ATOX1: variants seen among roughly 807,000 people sequenced by gnomAD.
ATOX1 encodes the protein antioxidant 1 copper chaperone, also known as copper transport protein ATOX1.
ATOX1 carries 4 observed loss-of-function variants against 7.3 expected under a neutral mutation model. The ratio of observed to expected loss-of-function variants is 0.55; its 90% CI spans 0.27 to 1.25. The LOEUF (loss-of-function observed/expected upper bound fraction) is 1.25, where lower values mean the gene tolerates loss of function less well. Ranked by LOEUF, ATOX1 falls within the 50% of genes most tolerant of loss-of-function variation. The pLI is 0.12. For missense variants in ATOX1, 68 were observed against 81.6 expected, an observed-to-expected ratio of 0.83 and a Z score of 0.64; for synonymous variants, 25 against 28.7, an observed-to-expected ratio of 0.87 and a Z score of 0.41.
chr5:151,750,644 C>CTTTTTTTTTTTT (rs34586233), intron 2 of ATOX1, among the ~76,000 whole-genome samples: 52 of 100,308 alleles, frequency 5.2e-4, no homozygotes, highest in East Asian at 8.6e-4. Context: ...TTTTTTCTTT[C>CTTTTTTTTTTTT]TTTTTTTTTT....
At chr5:151,747,195 T>C (rs1761888705) in intron 2 of ATOX1, among the ~76,000 whole-genome samples, 2 of 152,126 alleles carry the variant, frequency 1.3e-5, no homozygotes, top group Admixed American at 1.3e-4. Flanking sequence ...TTGTCCTAGA[T>C]AGACAAATGA....
In ATOX1 at chr5:151,746,430, G is replaced by T. The variant is rs200121616; in HGVS notation, c.102C>A (p.Asp34Glu). The T allele has an allele frequency of 1.2e-4, 188 of 1,613,754 alleles. No homozygotes were observed. The highest frequency in any genetic ancestry group is 1.5e-4 in the Non-Finnish European group (174 of 1,179,798). ...CAATGCAGACCTTCTTGTTGGGCAG[G>T]TCAATGTCATACTTAACTCCTGCAG... Reference protein sequence around the residue: ...NKLGGVKYDIDLPNKKVCIES... With the variant: ...NKLGGVKYDIELPNKKVCIES... The change falls in exon 3 of 4, where the codon GAC becomes GAA. Residue 34 changes from aspartate to glutamate, a missense_variant. Coordinates refer to ENST00000313115, the MANE Select transcript of ATOX1 (RefSeq NM_004045.4).
intron 3 of ATOX1, 67 bp downstream of exon 3, chr5:151,746,212 A>C (rs1259010550): frequency 7.0e-7 from 1 of 1,434,132 alleles, no homozygotes; most frequent in African/African-American, 1.4e-5. Flanking sequence ...CTCAAAGGCC[A>C]AGGTGTTCGC....
chr5:151,749,740 A>G lies in ATOX1; in HGVS notation c.82+1964T>C, dbSNP rs112547751. Among the ~76,000 whole-genome samples the G allele has an allele frequency of 7.4e-3, 1,133 of 152,130 alleles. 16 individuals carry two copies. Among genetic ancestry groups the G allele is most frequent in the African/African-American group, 0.026 (1,082 of 41,502 alleles). ...ACAGACATACAAGATATACATTCCC[A>G]TACCACAGCTGGGGAAACCCAGGCC... On this transcript the variant is annotated intron_variant, in intron 2 of 3. Transcript: ENST00000313115.
rs371306915 is a variant in ATOX1, at chr5:151,746,285, C to T, written c.*40G>A. On this transcript the variant is annotated 3_prime_UTR_variant, in exon 3 of 4. Coordinates refer to ENST00000313115, the MANE Select transcript of ATOX1 (RefSeq NM_004045.4). ...GTGCTGGGGCCTTACCCACCTGCCC[C>T]CTTTGGTCCATCCTGTGGGCTGTGG... is the stretch of plus-strand genomic sequence containing the variant. The T allele has an allele frequency of 1.2e-6, 2 of 1,610,048 alleles. No homozygotes were observed. Among genetic ancestry groups the T allele is most frequent in the Non-Finnish European group, 1.7e-6 (2 of 1,178,604 alleles).
chr5:151,748,460 A>C (rs1426062402), intron 2 of ATOX1, among the ~76,000 whole-genome samples: 2 of 152,132 alleles, frequency 1.3e-5, no homozygotes, highest in African/African-American at 4.8e-5. Flanking sequence ...GCAACTCAAA[A>C]AACCCTCCTG....
chr5:151,743,044 A>G (rs1468961849), intron 3 of ATOX1, 85 bp from the exon 4 acceptor site: 1 of 152,370 alleles, frequency 6.6e-6, no homozygotes, highest in East Asian at 1.9e-4. Flanking sequence ...ATGCACTAAG[A>G]GACAGGGGTG....
At chr5:151,757,689 C>A (rs1762034920) in intron 1 of ATOX1, among the ~76,000 whole-genome samples, 2 of 152,324 alleles carry the variant, frequency 1.3e-5, no homozygotes, top group South Asian at 4.1e-4. Context: ...TCTTCCCAAG[C>A]CGGTGTGACT....
At chr5:151,745,082 G>A (rs1042084823) in intron 3 of ATOX1, 2 of 152,308 alleles carry the variant, frequency 1.3e-5, no homozygotes, top group East Asian at 1.9e-4. Context: ...AGTGCATGAC[G>A]AAAACAGATG....
In ATOX1 at chr5:151,746,447, C is replaced by T. The variant is rs746565957; in HGVS notation, c.85G>A (p.Val29Ile). The T allele has an allele frequency of 6.2e-7, 1 of 1,613,770 alleles. No individual in the cohort carries two copies. The highest frequency in any genetic ancestry group is 1.1e-5 in the South Asian group (1 of 91,086). ...VSRVLNKLGG[V>I]KYDIDLPNKK... ...TTGGGCAGGTCAATGTCATACTTAA[C>T]TCCTGCAGGAAGAGGAAATGGGGTA... The change falls in exon 3 of 4, where the codon GTT becomes ATT. Residue 29 changes from valine (V) to isoleucine (I), a missense_variant and splice_region_variant. Transcript: ENST00000313115.
At chr5:151,749,878 C>T (rs1014051297) in intron 2 of ATOX1, among the ~76,000 whole-genome samples, 2 of 152,178 alleles carry the variant, frequency 1.3e-5, no homozygotes, top group African/African-American at 4.8e-5. Context: ...CAGCCACTGA[C>T]TTGCTGCGGG....
intron 1 of ATOX1, chr5:151,754,021 G>C (rs1008245172): frequency 1.3e-5 from 2 of 152,112 alleles, no homozygotes; most frequent in South Asian, 4.2e-4. Context: ...TAAAGAAAAT[G>C]GTCAGTCTTT....
At chr5:151,750,648 T>TC (rs1169748876) in intron 2 of ATOX1, among the ~76,000 whole-genome samples, 25 of 140,630 alleles carry the variant, frequency 1.8e-4, no homozygotes, top group Non-Finnish European at 3.4e-4. Flanking sequence ...TTCTTTCTTT[T>TC]TTTTTTTTTT....
Position 151,746,356 on chromosome 5 carries a change from C to T in ATOX1, c.176G>A (p.Gly59Glu). ...DTLLATLKKT[G>E]KTVSYLGLE ...AAGGCCAAGGTAGGAAACAGTCTTT[C>T]CTGTTTTCTTCAGGGTTGCAAGCAG... The change falls in exon 3 of 4, where the codon GGA becomes GAA. Residue 59 changes from glycine to glutamate, a missense_variant. Transcript: ENST00000313115. 4.3e-6 allele frequency: 7 copies of T among 1,613,896 alleles called. No individual in the cohort carries two copies. Among genetic ancestry groups the T allele is most frequent in the South Asian group, 1.1e-5 (1 of 91,080 alleles).
In ATOX1 at chr5:151,752,326, G is replaced by A. The variant is rs142187565; in HGVS notation, c.7-547C>T. ...GTGATTCTGCTTTCATCCAAGGGCCGCATTCTCAGAGGCAGCATCTGGGTC... is the reference window on the plus strand; with the variant it reads ...GTGATTCTGCTTTCATCCAAGGGCCACATTCTCAGAGGCAGCATCTGGGTC... On this transcript the variant is annotated intron_variant, in intron 1 of 3. Transcript: ENST00000313115. The A allele has an allele frequency of 7.9e-4, 557 of 702,470 alleles. 10 individuals carry two copies. In the East Asian group the frequency reaches 0.015, roughly 18 times the overall value. 43.5% of individuals were successfully genotyped at this position (702,470 alleles called of 1,614,324 possible). A position where few individuals can be genotyped will look rare whatever the true frequency, so the allele number is the denominator to read the frequency against.
intron 3 of ATOX1, chr5:151,745,719 C>G (rs945541652): frequency 6.5e-6 from 1 of 152,694 alleles, no homozygotes; most frequent in Non-Finnish European, 1.5e-5. Flanking sequence ...CACAGGAGAA[C>G]AAGGCCCAAG....
intron 1 of ATOX1, among the ~76,000 whole-genome samples, chr5:151,753,615 C>A (rs1456077333): frequency 6.6e-6 from 1 of 152,168 alleles, no homozygotes; most frequent in Non-Finnish European, 1.5e-5. Context: ...CAGAAGGGCT[C>A]CAGTTCCCTA....
chr5:151,749,716 C>G (rs1215528162), intron 2 of ATOX1, among the ~76,000 whole-genome samples: 7 of 150,272 alleles, frequency 4.7e-5, no homozygotes, highest in Non-Finnish European at 1.0e-4. Context: ...AAAGCTGATA[C>G]AGACATACAA....
At chr5:151,746,567 CAGGGATCGGCA>C (rs1761881913) in intron 2 of ATOX1, 118 bp from the exon 3 acceptor site, 1 of 1,372,690 alleles carries the variant, frequency 7.3e-7, no homozygotes. Flanking sequence ...TCCTCTAGAG[CAGGGATCGGCA>C]AACTTCTTCT....
Sources: allele counts gnomAD v4.1 joint callset (sites outside exome capture counted in the v4.1 genomes callset), GRCh38; gene constraint gnomAD v4.1.1; transcripts MANE v1.5; gene names NCBI Gene and HGNC (gene_info 2026-07-23, HGNC 2026-07-21).